Variants in HOMER2 observed in about 807,000 individuals in gnomAD.
HOMER2 encodes the protein homer protein homolog 2.
A neutral mutation model predicts 47.0 loss-of-function variants in HOMER2; 27 were observed. The ratio of observed to expected loss-of-function variants is 0.57; its 90% CI spans 0.42 to 0.79. The LOEUF is 0.79. Among genes scored for constraint, HOMER2 ranks in the 30% least tolerant of loss-of-function variants. The pLI is 0.00. For synonymous variants in HOMER2, 161 were observed against 163.8 expected, an observed-to-expected ratio of 0.98 and a Z score of 0.13; for missense variants, 443 against 435.0, an observed-to-expected ratio of 1.02 and a Z score of -0.16.
intron 2 of HOMER2, among the ~76,000 whole-genome samples, chr15:82,882,912 A>C (rs1185773310): frequency 1.5e-4 from 2 of 13,208 alleles, no homozygotes; most frequent in East Asian, 0.014. Context: ...TTTTTATTAT[A>C]CTCTAAGTTT....
chr15:82,951,260 C>A (rs1350460273), intron 1 of HOMER2, among the ~76,000 whole-genome samples: 1 of 152,188 alleles, frequency 6.6e-6, no homozygotes, highest in Non-Finnish European at 1.5e-5. Flanking sequence ...CTCTCTGTCA[C>A]CCACCTCTGT....
intron 1 of HOMER2, among the ~76,000 whole-genome samples, chr15:82,919,441 C>T (rs748339680): frequency 1.3e-5 from 2 of 152,214 alleles, no homozygotes; most frequent in Non-Finnish European, 2.9e-5. Flanking sequence ...CACCTCCCTG[C>T]AGAATTCAGT....
At chr15:82,959,836 G>T (rs1399261059) in intron 1 of HOMER2, among the ~76,000 whole-genome samples, 1 of 152,200 alleles carries the variant, frequency 6.6e-6, no homozygotes, top group African/African-American at 2.4e-5. Context: ...CACTGGCTGG[G>T]CTTGTATGAG....
chr15:82,849,504 AT>A lies in HOMER2; in HGVS notation c.*210del. 1.8e-6 allele frequency: 1 copy of A among 567,492 alleles called. No individual in the cohort carries two copies. The highest frequency in any genetic ancestry group is 3.1e-6 in the Non-Finnish European group (1 of 320,474). The allele number at this position is 567,492 out of a possible 1,614,324, so 35.2% of individuals were successfully genotyped here. On this transcript the variant is annotated 3_prime_UTR_variant, in exon 9 of 9. Coordinates refer to ENST00000450735, the MANE Select transcript of HOMER2 (RefSeq NM_004839.4). ...CCTAGTTCTGGATTCCTGAGTCAGA[AT>A]CTTCCAGTTGTCCACAACCTCACAA...
chr15:82,965,707 T>C (rs1264126598), intron 1 of HOMER2, among the ~76,000 whole-genome samples: 1 of 151,972 alleles, frequency 6.6e-6, no homozygotes, highest in East Asian at 1.9e-4. Context: ...AAGGCACACA[T>C]TGGGCTATTA....
At chr15:82,951,417 C>T (rs556250281) in intron 1 of HOMER2, among the ~76,000 whole-genome samples, 1 of 152,290 alleles carries the variant, frequency 6.6e-6, no homozygotes, top group East Asian at 1.9e-4. Context: ...ACCTGGAGTA[C>T]GGTGCAAGAA....
chr15:82,891,711 G>A (rs1411271846), intron 2 of HOMER2, among the ~76,000 whole-genome samples: 1 of 152,128 alleles, frequency 6.6e-6, no homozygotes, highest in Non-Finnish European at 1.5e-5. Flanking sequence ...GCTACTGCAG[G>A]AGTCCAGGCA....
At chr15:82,944,602 G>T in intron 1 of HOMER2, among the ~76,000 whole-genome samples, 1 of 152,150 alleles carries the variant, frequency 6.6e-6, no homozygotes, top group East Asian at 1.9e-4. Flanking sequence ...TTTGACAAAG[G>T]TGAAGAAGGT....
intron 1 of HOMER2, among the ~76,000 whole-genome samples, chr15:82,984,312 G>A (rs1485561302): frequency 1.3e-5 from 2 of 152,094 alleles, no homozygotes; most frequent in East Asian, 1.9e-4. Context: ...GATTACAGGC[G>A]TGAGCCACCG....
intron 3 of HOMER2, among the ~76,000 whole-genome samples, chr15:82,874,788 G>A (rs2052292901): frequency 6.6e-6 from 1 of 152,156 alleles, no homozygotes; most frequent in South Asian, 2.1e-4. Context: ...CTTCAAAAGG[G>A]GTAACATGCT....
intron 5 of HOMER2, among the ~76,000 whole-genome samples, chr15:82,857,779 G>C (rs964453538): frequency 6.6e-6 from 1 of 152,130 alleles, no homozygotes; most frequent in Non-Finnish European, 1.5e-5. Context: ...TTCTCGGTCT[G>C]AGGGAGACTG....
intron 1 of HOMER2, among the ~76,000 whole-genome samples, chr15:82,925,166 G>A (rs2053824287): frequency 6.6e-6 from 1 of 152,192 alleles, no homozygotes. Context: ...CTTTCCCAAA[G>A]TCCCACTCAG....
chr15:82,868,539 A>ATTTTTTT (rs1481856091), intron 3 of HOMER2, among the ~76,000 whole-genome samples: 1 of 62,432 alleles, frequency 1.6e-5, no homozygotes, highest in Admixed American at 1.8e-4. Flanking sequence ...ATATATATAT[A>ATTTTTTT]TATTTTTTTT....
At chr15:82,939,391 G>A (rs955345161) in intron 1 of HOMER2, among the ~76,000 whole-genome samples, 2 of 152,206 alleles carry the variant, frequency 1.3e-5, no homozygotes, top group Admixed American at 1.3e-4. Flanking sequence ...TTTTGGCCGG[G>A]CACGGTGGCT....
At chr15:82,845,078 CCA>C (rs1218165853), downstream of HOMER2, 3 of 152,206 alleles carry the variant, frequency 2.0e-5, no homozygotes, top group Admixed American at 2.0e-4. Flanking sequence ...AACAAAAGAT[CCA>C]CAAACTTCTG....
chr15:82,943,321 A>G (rs1567068607), intron 1 of HOMER2, among the ~76,000 whole-genome samples: 1 of 152,190 alleles, frequency 6.6e-6, no homozygotes, highest in Non-Finnish European at 1.5e-5. Context: ...CAGCCTTCCC[A>G]GCTCCCACAA....
chr15:82,905,345 A>T (rs1161309685), intron 1 of HOMER2, among the ~76,000 whole-genome samples: 1 of 151,920 alleles, frequency 6.6e-6, no homozygotes, highest in Non-Finnish European at 1.5e-5. Context: ...AAGGTATAAG[A>T]TAGGCATAAT....
At chr15:82,965,628 T>C (rs1331550002) in intron 1 of HOMER2, among the ~76,000 whole-genome samples, 1 of 152,190 alleles carries the variant, frequency 6.6e-6, no homozygotes, top group Non-Finnish European at 1.5e-5. Context: ...AACTTCCCTG[T>C]ACCTCAAGTT....
chr15:82,879,749 C>T (rs1030824773), intron 2 of HOMER2, among the ~76,000 whole-genome samples: 3 of 152,078 alleles, frequency 2.0e-5, no homozygotes, highest in Non-Finnish European at 1.5e-5. Context: ...TAAAATAAGA[C>T]AACAATATTT....
Sources: allele counts gnomAD v4.1 joint callset (sites outside exome capture counted in the v4.1 genomes callset), GRCh38; gene constraint gnomAD v4.1.1; transcripts MANE v1.5; gene names NCBI Gene and HGNC (gene_info 2026-07-23, HGNC 2026-07-21).